The following MTMR8 variants were observed in gnomAD, a reference collection of about 807,000 sequenced individuals.
The protein encoded by MTMR8 is phosphatidylinositol-3,5-bisphosphate 3-phosphatase MTMR8.
A neutral mutation model predicts 39.3 loss-of-function variants in MTMR8; 65 were observed. The observed-to-expected ratio is 1.65, with a 90% CI of 1.35 to 2.03. MTMR8 has a LOEUF of 2.03. Ranked by LOEUF, MTMR8 falls within the 30% of genes most tolerant of loss-of-function variation. MTMR8 has a pLI of 0.00. For missense variants in MTMR8, 777 were observed against 538.9 expected, an observed-to-expected ratio of 1.44 and a Z score of -4.37; for synonymous variants, 245 against 185.2, an observed-to-expected ratio of 1.32 and a Z score of -2.62.
At chrX:64,341,331 T>C (rs1035435346) in intron 8 of MTMR8, among the ~76,000 whole-genome samples, 3 of 109,826 alleles carry the variant, frequency 2.7e-5, no homozygotes, top group Non-Finnish European at 3.8e-5. Flanking sequence ...ATACAAAAAT[T>C]AGTCAGGCGT....
chrX:64,289,062 TACAACA>T (rs968113027), intron 12 of MTMR8, among the ~76,000 whole-genome samples: 5 of 109,752 alleles, frequency 4.6e-5, no homozygotes, highest in African/African-American at 6.6e-5. Context: ...TAAAAACTTC[TACAACA>T]ACAACAACAA....
intron 13 of MTMR8, 116 bp from the exon 14 acceptor site, chrX:64,269,159 C>T: frequency 1.4e-6 from 1 of 730,478 alleles, no homozygotes. Flanking sequence ...AGCAAATGAC[C>T]TTTTGCTCAC....
chrX:64,384,462 G>A (rs951236921), intron 1 of MTMR8, among the ~76,000 whole-genome samples: 1 of 111,983 alleles, frequency 8.9e-6, no homozygotes, highest in African/African-American at 3.2e-5. Flanking sequence ...CCCTAGTAGA[G>A]GTTCTCTGTG....
chrX:64,395,091 C>A lies in MTMR8; in HGVS notation c.24+249G>T, dbSNP rs1189902319. ...GGCCAGAACAGGCGTGCACCAGGAG[C>A]GGGGGCGGCGTCGCGTAAGGGGACA... On this transcript the variant is annotated intron_variant, in intron 1 of 13. Transcript: ENST00000374852. Among the ~76,000 whole-genome samples, 5 of 111,972 alleles carry A rather than the reference C, an allele frequency of 4.5e-5. No individual in the cohort carries two copies. The East Asian group carries it at 1.4e-3, about 32-fold the overall frequency.
chrX:64,389,443 C>T (rs1382062357), intron 1 of MTMR8, among the ~76,000 whole-genome samples: 1 of 112,100 alleles, frequency 8.9e-6, no homozygotes, highest in Admixed American at 9.5e-5. Context: ...TAAAACAAAT[C>T]CCAGTGGTTT....
chrX:64,292,187 C>G lies in MTMR8; in HGVS notation c.1482-21114G>C, dbSNP rs753232502. On this transcript the variant is annotated intron_variant, in intron 12 of 13. Transcript: ENST00000374852. ...CAGTCCGATGCTGGTCTCCTAAGCA[C>G]AATTGGGAGACACTTGCAAGCAGCT... Among the ~76,000 whole-genome samples the G allele has an allele frequency of 1.4e-3, 161 of 111,849 alleles. 1 individual carries two copies. Among genetic ancestry groups the G allele is most frequent in the African/African-American group, 5.1e-3 (156 of 30,839 alleles).
intron 10 of MTMR8, among the ~76,000 whole-genome samples, chrX:64,332,150 T>G (rs1387733029): frequency 4.4e-5 from 5 of 112,448 alleles, no homozygotes; most frequent in African/African-American, 1.6e-4. Context: ...TTAATTTAAT[T>G]TAAATAGCTA....
At chrX:64,387,319 C>T (rs752905450) in intron 1 of MTMR8, among the ~76,000 whole-genome samples, 3 of 111,225 alleles carry the variant, frequency 2.7e-5, no homozygotes, top group East Asian at 5.7e-4. Context: ...GAAAAACTGG[C>T]CACTCAGAAG....
At chrX:64,316,260 A>G (rs1348237910) in intron 12 of MTMR8, among the ~76,000 whole-genome samples, 1 of 111,899 alleles carries the variant, frequency 8.9e-6, no homozygotes, top group Non-Finnish European at 1.9e-5. Flanking sequence ...CTCTTTAGAG[A>G]ACTTCCTTAA....
intron 4 of MTMR8, among the ~76,000 whole-genome samples, chrX:64,350,424 G>T (rs1389383597): frequency 9.0e-6 from 1 of 111,032 alleles, no homozygotes; most frequent in Non-Finnish European, 1.9e-5. Context: ...TTTCAACATG[G>T]GGTTTTATGT....
chrX:64,366,547 T>C (rs1923964229), intron 1 of MTMR8, among the ~76,000 whole-genome samples: 1 of 112,014 alleles, frequency 8.9e-6, no homozygotes, highest in Admixed American at 9.5e-5. Context: ...AAAGATGTTC[T>C]TTGAAACCAA....
chrX:64,271,959 T>C (rs746460522), intron 12 of MTMR8, among the ~76,000 whole-genome samples: 1 of 112,185 alleles, frequency 8.9e-6, no homozygotes, highest in Non-Finnish European at 1.9e-5. Context: ...AGGGAATGGC[T>C]TTTGTGCCAC....
rs759074850 is a variant in MTMR8, at chrX:64,359,533, A to T, written c.25-6T>A. On this transcript the variant is annotated splice_region_variant and splice_polypyrimidine_tract_variant and intron_variant, in intron 1 of 13. Coordinates refer to ENST00000374852, the MANE Select transcript of MTMR8 (RefSeq NM_017677.4). ...ACCAATTTCACGTTTTCTACCTGTTATTGGAGGAAAAAATACTGAATAAGT... is the reference window on the plus strand; with the variant it reads ...ACCAATTTCACGTTTTCTACCTGTTTTTGGAGGAAAAAATACTGAATAAGT... 1.0e-5 allele frequency: 12 copies of T among 1,192,403 alleles called. No homozygotes were observed. In the East Asian group the frequency reaches 1.5e-4, roughly 15 times the overall value.
At chrX:64,386,527 A>G (rs773267277) in intron 1 of MTMR8, among the ~76,000 whole-genome samples, 1 of 111,746 alleles carries the variant, frequency 8.9e-6, no homozygotes, top group East Asian at 2.8e-4. Context: ...AACAACTCAC[A>G]GGAATCTTCA....
At chrX:64,298,979 GC>G (rs1362580405) in intron 12 of MTMR8, among the ~76,000 whole-genome samples, 2 of 71,530 alleles carry the variant, frequency 2.8e-5, no homozygotes, top group Non-Finnish European at 4.7e-5. Flanking sequence ...GATTCGGTTT[GC>G]CAGTATTTTA....
At chrX:64,358,072 T>A (rs1334803346) in intron 2 of MTMR8, among the ~76,000 whole-genome samples, 1 of 111,987 alleles carries the variant, frequency 8.9e-6, no homozygotes, top group Non-Finnish European at 1.9e-5. Context: ...TGGAGACATC[T>A]GTACTGTCTA....
At chrX:64,357,911 G>A (rs182861314) in intron 2 of MTMR8, among the ~76,000 whole-genome samples, 150 of 111,643 alleles carry the variant, frequency 1.3e-3, no homozygotes, top group African/African-American at 4.5e-3. Flanking sequence ...GGTGAAACTG[G>A]GAAGGGTCCA....
intron 1 of MTMR8, among the ~76,000 whole-genome samples, chrX:64,382,541 A>G (rs1027528895): frequency 9.0e-6 from 1 of 111,537 alleles, no homozygotes; most frequent in Non-Finnish European, 1.9e-5. Flanking sequence ...CAATCATGTC[A>G]TCTGCAAACA....
chrX:64,364,278 G>A (rs894625445), intron 1 of MTMR8, among the ~76,000 whole-genome samples: 3 of 112,549 alleles, frequency 2.7e-5, no homozygotes, highest in African/African-American at 9.7e-5. Flanking sequence ...AGGACGGAAT[G>A]CATCTTCAAG....
Sources: allele counts gnomAD v4.1 joint callset (sites outside exome capture counted in the v4.1 genomes callset), GRCh38; gene constraint gnomAD v4.1.1; transcripts MANE v1.5; gene names NCBI Gene and HGNC (gene_info 2026-07-23, HGNC 2026-07-21).